Variants in XYLT1 observed in about 807,000 individuals in gnomAD.
XYLT1 encodes beta-D-xylosyltransferase 1.
In XYLT1, 36 loss-of-function variants were observed where a neutral mutation model predicts 91.3. The ratio of observed to expected loss-of-function variants is 0.39; its 90% CI spans 0.30 to 0.52. The LOEUF is 0.52. XYLT1 is among the 20% of genes least tolerant of loss of function. XYLT1 has a pLI of 0.68. For synonymous variants in XYLT1, 588 were observed against 532.0 expected (o/e 1.11, Z -1.45); for missense variants, 1,242 against 1,284.5 (o/e 0.97, Z 0.51).
intron 2 of XYLT1, among the ~76,000 whole-genome samples, chr16:17,286,708 T>C (rs2141792402): frequency 7.3e-6 from 1 of 137,688 alleles, no homozygotes; most frequent in South Asian, 2.3e-4. Flanking sequence ...TGTTGTAAGG[T>C]TTTCCAGCAA....
intron 1 of XYLT1, among the ~76,000 whole-genome samples, chr16:17,371,340 C>A (rs1406202963): frequency 1.3e-5 from 2 of 152,160 alleles, no homozygotes; most frequent in African/African-American, 4.8e-5. Flanking sequence ...CTTGCTGAAC[C>A]AAAATCAACG....
At chr16:17,341,253 G>A (rs954271022) in intron 2 of XYLT1, among the ~76,000 whole-genome samples, 1 of 152,092 alleles carries the variant, frequency 6.6e-6, no homozygotes, top group Non-Finnish European at 1.5e-5. Context: ...TCTACCAACA[G>A]GAAATCAGTG....
At chr16:17,164,484 A>G (rs1421112351) in intron 5 of XYLT1, among the ~76,000 whole-genome samples, 1 of 152,060 alleles carries the variant, frequency 6.6e-6, no homozygotes, top group Non-Finnish European at 1.5e-5. Context: ...AACTCTTTTC[A>G]TCTTGCAAAA....
At chr16:17,437,906 C>A (rs990543135) in intron 1 of XYLT1, among the ~76,000 whole-genome samples, 5 of 152,172 alleles carry the variant, frequency 3.3e-5, no homozygotes, top group African/African-American at 1.2e-4. Context: ...GTGCAGTCAG[C>A]CTTTCTGGAC....
chr16:17,228,964 G>C (rs1302429535), intron 3 of XYLT1, among the ~76,000 whole-genome samples: 1 of 151,974 alleles, frequency 6.6e-6, no homozygotes, highest in Non-Finnish European at 1.5e-5. Flanking sequence ...AGATCTGTTT[G>C]ATTTCCTTTT....
At chr16:17,224,282 C>T (rs1013194575) in intron 3 of XYLT1, among the ~76,000 whole-genome samples, 5 of 152,194 alleles carry the variant, frequency 3.3e-5, no homozygotes, top group South Asian at 4.1e-4. Flanking sequence ...GAACCATTTA[C>T]AAAGCCTAAA....
intron 1 of XYLT1, among the ~76,000 whole-genome samples, chr16:17,459,601 C>T (rs2036788550): frequency 6.6e-6 from 1 of 152,136 alleles, no homozygotes; most frequent in South Asian, 2.1e-4. Flanking sequence ...AAAATAAATC[C>T]ACCCATCCAA....
At chr16:17,184,356 T>C (rs1163596957) in intron 5 of XYLT1, among the ~76,000 whole-genome samples, 1 of 151,820 alleles carries the variant, frequency 6.6e-6, no homozygotes, top group Non-Finnish European at 1.5e-5. Flanking sequence ...CATTGCAAAA[T>C]TCATTGTGTG....
intron 10 of XYLT1, among the ~76,000 whole-genome samples, chr16:17,121,636 A>G (rs149131582): frequency 0.011 from 1,641 of 152,250 alleles, 31 homozygotes; most frequent in African/African-American, 0.038. Context: ...GTTTGCTTAC[A>G]TGAATAAGTT....
chr16:17,281,756 T>C (rs748052746), intron 2 of XYLT1, among the ~76,000 whole-genome samples: 1 of 152,174 alleles, frequency 6.6e-6, no homozygotes, highest in Non-Finnish European at 1.5e-5. Flanking sequence ...CCCTGGATGA[T>C]TCAAAGTTAT....
intron 2 of XYLT1, among the ~76,000 whole-genome samples, chr16:17,330,840 T>C (rs1238199335): frequency 6.6e-6 from 1 of 151,160 alleles, no homozygotes; most frequent in African/African-American, 2.4e-5. Context: ...ACTTAAGATG[T>C]AGAGGAGCAA....
chr16:17,174,670 G>C (rs2031900166), intron 5 of XYLT1, among the ~76,000 whole-genome samples: 1 of 151,962 alleles, frequency 6.6e-6, no homozygotes. Context: ...TTCCTTCTGG[G>C]GTAACTAAAA....
chr16:17,122,569 CCT>C (rs1299101386), intron 10 of XYLT1, among the ~76,000 whole-genome samples: 1 of 152,168 alleles, frequency 6.6e-6, no homozygotes, highest in African/African-American at 2.4e-5. Context: ...ATTTCTTTTG[CCT>C]TGCAGAAACT....
intron 5 of XYLT1, among the ~76,000 whole-genome samples, chr16:17,166,983 T>G (rs1363177468): frequency 6.6e-6 from 1 of 152,198 alleles, no homozygotes; most frequent in Non-Finnish European, 1.5e-5. Flanking sequence ...AGATTTCCCT[T>G]TGTTGCTCAC....
chr16:17,371,387 T>C (rs923006907), intron 1 of XYLT1, among the ~76,000 whole-genome samples: 1 of 152,226 alleles, frequency 6.6e-6, no homozygotes, highest in Non-Finnish European at 1.5e-5. Flanking sequence ...ATCTGAGAGA[T>C]GTATGCTGAG....
intron 1 of XYLT1, among the ~76,000 whole-genome samples, chr16:17,376,176 C>G (rs142947635): frequency 6.6e-6 from 1 of 152,212 alleles, no homozygotes; most frequent in Non-Finnish European, 1.5e-5. Context: ...CCCCAGGGAA[C>G]ATTTGACACT....
chr16:17,213,188 T>A (rs2032794628), intron 3 of XYLT1, among the ~76,000 whole-genome samples: 2 of 152,168 alleles, frequency 1.3e-5, no homozygotes, highest in Non-Finnish European at 2.9e-5. Context: ...TAAAAGTGTG[T>A]GGCACCTCCC....
chr16:17,444,009 T>C (rs1385945833), intron 1 of XYLT1, among the ~76,000 whole-genome samples: 1 of 152,162 alleles, frequency 6.6e-6, no homozygotes, highest in Non-Finnish European at 1.5e-5. Context: ...CCTCACTCAA[T>C]GACCACCAGG....
chr16:17,281,119 C>A (rs1244973331), intron 2 of XYLT1, among the ~76,000 whole-genome samples: 1 of 152,184 alleles, frequency 6.6e-6, no homozygotes, highest in Non-Finnish European at 1.5e-5. Context: ...ATCAAGGTCA[C>A]TCCTGCTCAG....
Sources: gnomAD v4.1 joint callset for allele counts (sites outside exome capture counted in the v4.1 genomes callset) on GRCh38, gnomAD v4.1.1 for gene constraint, MANE v1.5 for transcripts, NCBI Gene and HGNC (gene_info 2026-07-23, HGNC 2026-07-21) for gene names.